The following TBC1D9B variants were observed in gnomAD, a reference collection of about 807,000 sequenced individuals.
The protein encoded by TBC1D9B is TBC1 domain family, member 9B (with GRAM domain).
In TBC1D9B, 87 loss-of-function variants were observed where a neutral mutation model predicts 121.1. The ratio of observed to expected loss-of-function variants is 0.72; its 90% CI spans 0.60 to 0.86. The LOEUF (loss-of-function observed/expected upper bound fraction) is 0.86, where lower values mean the gene tolerates loss of function less well. Ranked by LOEUF, TBC1D9B falls within the 40% of genes least tolerant of loss-of-function variation. TBC1D9B has a pLI of 0.00. For synonymous variants in TBC1D9B, 668 were observed against 670.1 expected, an observed-to-expected ratio of 1.00 and a Z score of 0.05; for missense variants, 1,540 against 1,628.6, an observed-to-expected ratio of 0.95 and a Z score of 0.94.
At chr5:179,876,658 C>A (rs1342962966) in intron 10 of TBC1D9B, among the ~76,000 whole-genome samples, 1 of 152,204 alleles carries the variant, frequency 6.6e-6, no homozygotes, top group Non-Finnish European at 1.5e-5. Flanking sequence ...ATCACTCTAA[C>A]AACAACAGAA....
chr5:179,888,411 G>A (rs1354550833), intron 6 of TBC1D9B, 99 bp from the exon 7 acceptor site: 19 of 1,216,126 alleles, frequency 1.6e-5, no homozygotes, highest in Non-Finnish European at 2.1e-5. Context: ...GTCCTCTCCT[G>A]GGCACAATGC....
At chr5:179,887,853 G>A in intron 7 of TBC1D9B, 1 of 561,994 alleles carries the variant, frequency 1.8e-6, no homozygotes. Flanking sequence ...AGCCAGAGAA[G>A]GTTCCTCATG....
At chr5:179,897,978 C>T (rs772224153) in intron 3 of TBC1D9B, among the ~76,000 whole-genome samples, 1 of 152,100 alleles carries the variant, frequency 6.6e-6, no homozygotes, top group Non-Finnish European at 1.5e-5. Context: ...AAGAGCCCTC[C>T]CATGAATCTA....
intron 4 of TBC1D9B, among the ~76,000 whole-genome samples, chr5:179,893,764 G>A (rs1760939499): frequency 1.3e-5 from 2 of 152,042 alleles, no homozygotes; most frequent in Non-Finnish European, 2.9e-5. Context: ...GCTCCCCCAA[G>A]TGGGAGCGCA....
intron 13 of TBC1D9B, 46 bp downstream of exon 13, chr5:179,873,073 T>A (rs757463309): frequency 3.7e-6 from 6 of 1,612,468 alleles, no homozygotes; most frequent in Non-Finnish European, 5.1e-6. Flanking sequence ...CCAACCCACA[T>A]GCCAGATGGA....
Position 179,874,855 on chromosome 5 carries a change from G to T in TBC1D9B, c.2186+47C>A. On this transcript the variant is annotated intron_variant, in intron 12 of 20. Transcript: ENST00000355235. This position sits in a 1 kb window ranked among gnomAD's most constrained non-coding sequence, Gnocchi z 4.3. ...CTGGACAGTGCCCGGGGCTGGTGAG[G>T]GGTTCTGCTGTGAGCCCCCAGCAGG... is the stretch of plus-strand genomic sequence containing the variant. 1.9e-6 allele frequency: 3 copies of T among 1,593,350 alleles called. No homozygotes were observed. The highest frequency in any genetic ancestry group is 2.6e-6 in the Non-Finnish European group (3 of 1,170,952).
At position 179,874,872 on chromosome 5, in the gene TBC1D9B, C is replaced by T; in HGVS notation, c.2186+30G>A. 1 of 1,606,634 alleles carries T rather than the reference C, an allele frequency of 6.2e-7. No homozygotes were observed. The highest frequency in any genetic ancestry group is 1.1e-5 in the South Asian group (1 of 90,636). ...CTGGTGAGGGGTTCTGCTGTGAGCC[C>T]CCAGCAGGAGAAGGAACCCGGCATG... On this transcript the variant is annotated intron_variant, in intron 12 of 20. Transcript: ENST00000355235. This position sits in a 1 kb window ranked among gnomAD's most constrained non-coding sequence, Gnocchi z 4.3.
intron 6 of TBC1D9B, 56 bp from the exon 7 acceptor site, chr5:179,888,368 C>T: frequency 6.4e-7 from 1 of 1,567,198 alleles, no homozygotes; most frequent in Non-Finnish European, 8.7e-7. Flanking sequence ...TGCAGCTGGG[C>T]ATGCTTTGTG....
In TBC1D9B at chr5:179,904,878, G is replaced by C. The variant is rs559666630; in HGVS notation, c.119-66C>G. On this transcript the variant is annotated intron_variant, in intron 1 of 20. Transcript: ENST00000355235. This position sits in a 1 kb window ranked among gnomAD's most constrained non-coding sequence, Gnocchi z 4.2. Reference sequence around the variant, plus strand: ...CCGGACTGAGGCCCCTGAAGGCTGAGTCTGGCCGGAGGCAGACAGGATGGT... The same window carrying C: ...CCGGACTGAGGCCCCTGAAGGCTGACTCTGGCCGGAGGCAGACAGGATGGT... 9.9e-6 allele frequency: 13 copies of C among 1,310,700 alleles called. No individual in the cohort carries two copies. In the African/African-American group the frequency reaches 1.5e-4, roughly 15 times the overall value. 81.2% of individuals were successfully genotyped at this position (1,310,700 alleles called of 1,614,324 possible).
chr5:179,864,069 C>T lies in TBC1D9B; in HGVS notation c.3081G>A (p.Glu1027=). Reference sequence around the variant, plus strand: ...TGGCGATGGCGTGGTACAGGTCCTGCTCCATGGGGTCTTCACTGAACATGT... The same window carrying T: ...TGGCGATGGCGTGGTACAGGTCCTGTTCCATGGGGTCTTCACTGAACATGT... ...LYNMFSEDPM[E]QDLYHAIATV... The change falls in exon 21 of 21, where the codon GAG becomes GAA. Residue 1027 remains glutamate (E), a synonymous_variant. Transcript: ENST00000355235. 1.9e-6 allele frequency: 3 copies of T among 1,613,620 alleles called. No homozygotes were observed. Among genetic ancestry groups the T allele is most frequent in the South Asian group, 2.2e-5 (2 of 91,078 alleles).
chr5:179,892,423 T>G (rs1033252758), intron 5 of TBC1D9B, among the ~76,000 whole-genome samples: 1 of 152,186 alleles, frequency 6.6e-6, no homozygotes, highest in Admixed American at 6.5e-5. Context: ...ATGAGGTCGC[T>G]CAACACAAGG....
intron 15 of TBC1D9B, chr5:179,870,702 G>C (rs558220398): frequency 3.9e-6 from 3 of 759,738 alleles, no homozygotes; most frequent in Middle Eastern, 4.0e-4. Flanking sequence ...GGTTGGCTGA[G>C]AGACAGAGTC....
intron 7 of TBC1D9B, among the ~76,000 whole-genome samples, chr5:179,882,647 C>A (rs909800369): frequency 2.0e-5 from 3 of 152,158 alleles, no homozygotes; most frequent in African/African-American, 7.2e-5. Context: ...AGTTCGAGAT[C>A]AGTCTGGCCA....
Position 179,894,621 on chromosome 5 carries a change from G to T in TBC1D9B, c.349-7C>A, listed in dbSNP as rs1386649811. On this transcript the variant is annotated splice_region_variant and splice_polypyrimidine_tract_variant and intron_variant, in intron 3 of 20. Transcript: ENST00000355235. ...TCTCTTCTGCGATGATTCCCTGGAGGAAGGCAAGAGGACAAGGGCTTGCCC... is the reference window on the plus strand; with the variant it reads ...TCTCTTCTGCGATGATTCCCTGGAGTAAGGCAAGAGGACAAGGGCTTGCCC... 1.7e-5 allele frequency: 28 copies of T among 1,613,944 alleles called. No homozygotes were observed. The highest frequency in any genetic ancestry group is 2.2e-5 in the Non-Finnish European group (26 of 1,179,970).
In TBC1D9B at chr5:179,904,890, G is replaced by T; in HGVS notation, c.119-78C>A. The T allele has an allele frequency of 8.5e-7, 1 of 1,175,020 alleles. No individual in the cohort carries two copies. The highest frequency in any genetic ancestry group is 1.2e-6 in the Non-Finnish European group (1 of 836,204). 72.8% of individuals were successfully genotyped at this position (1,175,020 alleles called of 1,614,324 possible). A position where few individuals can be genotyped will look rare whatever the true frequency, so the allele number is the denominator to read the frequency against. On this transcript the variant is annotated intron_variant, in intron 1 of 20. Transcript: ENST00000355235. The surrounding 1 kb of genome is among the most constrained non-coding windows in gnomAD (Gnocchi z 4.2). The stretch of plus-strand genomic sequence containing the variant: ...CCCTGAAGGCTGAGTCTGGCCGGAG[G>T]CAGACAGGATGGTGACGCTACCCAA...
At chr5:179,899,591 C>T (rs764620135) in intron 2 of TBC1D9B, among the ~76,000 whole-genome samples, 6 of 152,194 alleles carry the variant, frequency 3.9e-5, no homozygotes, top group Non-Finnish European at 7.3e-5. Flanking sequence ...ACTAAGTCTC[C>T]TATGTGTCCT....
intron 18 of TBC1D9B, chr5:179,867,563 G>C (rs420950): frequency 6.5e-7 from 1 of 1,537,600 alleles, no homozygotes; most frequent in South Asian, 1.2e-5. Context: ...GGAAGACAGA[G>C]ACACAAGAGA....
chr5:179,862,945 C>A lies in TBC1D9B; in HGVS notation c.*503G>T, dbSNP rs912519611. 7.9e-6 allele frequency: 2 copies of A among 251,718 alleles called. No homozygotes were observed. The highest frequency in any genetic ancestry group is 4.5e-5 in the Admixed American group (1 of 22,272). 15.6% of individuals were successfully genotyped at this position (251,718 alleles called of 1,614,324 possible). On this transcript the variant is annotated 3_prime_UTR_variant, in exon 21 of 21. Transcript: ENST00000355235. ...ACATGTTCTGCCCATGTTCCTCAGT[C>A]AGGAGGTTCAGGCTCCCGGAGAGCA...
At chr5:179,879,969 GCTCCT>G in intron 7 of TBC1D9B, 180 bp from the exon 8 acceptor site, 1 of 697,682 alleles carries the variant, frequency 1.4e-6, no homozygotes, top group Non-Finnish European at 2.3e-6. Context: ...TCAGCCCTCA[GCTCCT>G]CTCTGGCTGC....
Sources: allele counts gnomAD v4.1 joint callset (sites outside exome capture counted in the v4.1 genomes callset), GRCh38; gene constraint gnomAD v4.1.1; non-coding constraint Gnocchi (gnomAD v3.1); transcripts MANE v1.5; gene names NCBI Gene and HGNC (gene_info 2026-07-23, HGNC 2026-07-21).